Variants in STK10 observed in about 807,000 individuals in gnomAD.
The protein encoded by STK10 is serine/threonine kinase 10, also known as serine/threonine-protein kinase 10.
STK10 carries 78 observed loss-of-function variants against 113.8 expected under a neutral mutation model. The ratio of observed to expected loss-of-function variants is 0.69; its 90% CI spans 0.57 to 0.83. The LOEUF is 0.83. Among genes scored for constraint, STK10 ranks in the 40% least tolerant of loss-of-function variants. The pLI, the probability that STK10 is intolerant of heterozygous loss-of-function variation, is 0.00. For missense variants in STK10, 1,109 were observed against 1,280.1 expected (o/e 0.87, Z 2.04); for synonymous variants, 465 against 494.7 (o/e 0.94, Z 0.80).
chr5:172,100,133 G>A (rs1484705219), intron 7 of STK10, among the ~76,000 whole-genome samples: 2 of 152,150 alleles, frequency 1.3e-5, no homozygotes, highest in African/African-American at 2.4e-5. Context: ...CCTCCACCAC[G>A]GCATCAGCTC....
chr5:172,134,207 G>A (rs1769808869), intron 2 of STK10, among the ~76,000 whole-genome samples: 1 of 152,186 alleles, frequency 6.6e-6, no homozygotes, highest in Non-Finnish European at 1.5e-5. Context: ...CAGAAGTACT[G>A]CCTCTTTTAT....
At chr5:172,047,211 A>G (rs1290221852) in intron 18 of STK10, among the ~76,000 whole-genome samples, 1 of 152,254 alleles carries the variant, frequency 6.6e-6, no homozygotes, top group Admixed American at 6.5e-5. Flanking sequence ...TAATGACAGA[A>G]GAATTCTATA....
rs757404665 is a variant in STK10 at position 172,044,963 on chromosome 5, G to T, written c.2826C>A (p.Ser942Arg). Reference sequence around the variant, plus strand: ...AGGGGTTTGGGCACTCCGCCTCCTCGCTCAGCTTGAAGAACATCTCCTGCT... The same window carrying T: ...AGGGGTTTGGGCACTCCGCCTCCTCTCTCAGCTTGAAGAACATCTCCTGCT... ...KREQEMFFKL[S>R]EEAECPNPST... Residue 942 changes from serine (S) to arginine (R), a missense_variant, in exon 19 of 19, where the codon AGC (serine) becomes AGA (arginine). This residue lies in a region of STK10 where 885 missense variants were observed against 991.1 expected (regional missense o/e 0.89). Coordinates refer to ENST00000176763, the MANE Select transcript of STK10 (RefSeq NM_005990.4). The surrounding 1 kb of genome is among the most constrained non-coding windows in gnomAD (Gnocchi z 4.5). 8.7e-6 allele frequency: 14 copies of T among 1,614,040 alleles called. No individual in the cohort carries two copies. The highest frequency in any genetic ancestry group is 1.3e-5 in the African/African-American group (1 of 74,912).
At chr5:172,165,389 C>CAAG (rs1333147329) in intron 1 of STK10, among the ~76,000 whole-genome samples, 1 of 152,176 alleles carries the variant, frequency 6.6e-6, no homozygotes, top group African/African-American at 2.4e-5. Flanking sequence ...AGGTGTGCCT[C>CAAG]AAGAAGAGTA....
chr5:172,084,655 C>T, intron 10 of STK10, among the ~76,000 whole-genome samples: 1 of 151,384 alleles, frequency 6.6e-6, no homozygotes, highest in East Asian at 1.9e-4. Flanking sequence ...AAATTTTTCA[C>T]TGTTTATCTT....
intron 2 of STK10, among the ~76,000 whole-genome samples, chr5:172,130,094 C>T (rs1769717024): frequency 6.6e-6 from 1 of 152,170 alleles, no homozygotes; most frequent in Non-Finnish European, 1.5e-5. Flanking sequence ...ATCACCAAAC[C>T]CTGGCTGGGA....
Position 172,157,773 on chromosome 5 carries a change from T to A in STK10, c.157-985A>T, listed in dbSNP as rs180820775. ...GCCTGGCTAAATTTTGTGTTTTTAG[T>A]AGAGACAGGGTTTCACCACATTGGC... is the stretch of plus-strand genomic sequence containing the variant. On this transcript the variant is annotated intron_variant, in intron 1 of 18. Transcript: ENST00000176763. 5.9e-5 allele frequency among the ~76,000 whole-genome samples: 9 copies of A among 152,080 alleles called. No individual in the cohort carries two copies. The East Asian group carries it at 1.2e-3, about 20-fold the overall frequency.
rs76110035 is a variant in STK10, at chr5:172,044,962, C to G, written c.2827G>C (p.Glu943Gln). The G allele has an allele frequency of 6.2e-7, 1 of 1,614,096 alleles. No homozygotes were observed. Among genetic ancestry groups the G allele is most frequent in the Non-Finnish European group, 8.5e-7 (1 of 1,180,054 alleles). The change falls in exon 19 of 19, where the codon GAG becomes CAG. Residue 943 changes from glutamate (E) to glutamine (Q), a missense_variant. Coordinates refer to ENST00000176763, the MANE Select transcript of STK10 (RefSeq NM_005990.4). The surrounding 1 kb of genome is among the most constrained non-coding windows in gnomAD (Gnocchi z 4.5). ...GAGGGGTTTGGGCACTCCGCCTCCTCGCTCAGCTTGAAGAACATCTCCTGC... is the reference window on the plus strand; with the variant it reads ...GAGGGGTTTGGGCACTCCGCCTCCTGGCTCAGCTTGAAGAACATCTCCTGC... ...REQEMFFKLSEEAECPNPSTP... is the reference protein window; with the variant it reads ...REQEMFFKLSQEAECPNPSTP...
intron 13 of STK10, among the ~76,000 whole-genome samples, chr5:172,062,555 T>C (rs937255067): frequency 1.3e-5 from 2 of 152,206 alleles, no homozygotes; most frequent in African/African-American, 4.8e-5. Flanking sequence ...CAATGGAATA[T>C]TATTCAGCCT....
At chr5:172,155,872 A>G (rs1199104922) in intron 2 of STK10, among the ~76,000 whole-genome samples, 2 of 151,356 alleles carry the variant, frequency 1.3e-5, no homozygotes, top group Non-Finnish European at 3.0e-5. Context: ...GCACATGCCT[A>G]TAATCCCAGC....
chr5:172,082,294 G>A lies in STK10; in HGVS notation c.1989+32C>T. The A allele has an allele frequency of 6.8e-7, 1 of 1,479,906 alleles. No individual in the cohort carries two copies. Among genetic ancestry groups the A allele is most frequent in the Middle Eastern group, 1.9e-4 (1 of 5,264 alleles). 91.7% of individuals were successfully genotyped at this position (1,479,906 alleles called of 1,614,324 possible). On this transcript the variant is annotated intron_variant, in intron 12 of 18. Coordinates refer to ENST00000176763, the MANE Select transcript of STK10 (RefSeq NM_005990.4). This position sits in a 1 kb window ranked among gnomAD's most constrained non-coding sequence, Gnocchi z 4.3. ...ACCAAGAAGGCCCCTAATACTCCGAGATGCCCCTGCCCCCACTGAGCACAT... is the reference window on the plus strand; with the variant it reads ...ACCAAGAAGGCCCCTAATACTCCGAAATGCCCCTGCCCCCACTGAGCACAT...
intron 16 of STK10, among the ~76,000 whole-genome samples, 178 bp downstream of exon 16, chr5:172,055,409 CA>C (rs1273782399): frequency 6.6e-6 from 1 of 152,088 alleles, no homozygotes; most frequent in Non-Finnish European, 1.5e-5. Context: ...AGGCTGGTCT[CA>C]AACTCCTGGG....
At chr5:172,062,873 A>G (rs1187186410) in intron 13 of STK10, among the ~76,000 whole-genome samples, 2 of 152,232 alleles carry the variant, frequency 1.3e-5, no homozygotes, top group Non-Finnish European at 2.9e-5. Context: ...TACACTTAAT[A>G]ATGGTAAAGA....
chr5:172,145,238 G>A (rs1770060888), intron 2 of STK10, among the ~76,000 whole-genome samples: 1 of 152,222 alleles, frequency 6.6e-6, no homozygotes, highest in Non-Finnish European at 1.5e-5. Flanking sequence ...AAAGGGGAAG[G>A]AGCCAGGCCC....
chr5:172,089,462 G>C (rs559718896), intron 10 of STK10, among the ~76,000 whole-genome samples: 1 of 110,158 alleles, frequency 9.1e-6, no homozygotes, highest in Admixed American at 8.2e-5. Flanking sequence ...AGGTAGATAG[G>C]TGGAAGGCTG....
rs558029861 is a variant in STK10, at chr5:172,079,435, T to C, written c.1989+2891A>G. Among the ~76,000 whole-genome samples the C allele has an allele frequency of 3.3e-5, 5 of 152,244 alleles. No homozygotes were observed. The South Asian group carries it at 1.0e-3, about 31-fold the overall frequency. On this transcript the variant is annotated intron_variant, in intron 12 of 18. Coordinates refer to ENST00000176763, the MANE Select transcript of STK10 (RefSeq NM_005990.4). The stretch of plus-strand genomic sequence containing the variant: ...CAGATCTCTAGTCAGCCAGTCTATA[T>C]GCTTCCCTAGCATGTTGGCAACTGT...
chr5:172,095,496 C>T (rs751937191), intron 8 of STK10, among the ~76,000 whole-genome samples: 8 of 152,216 alleles, frequency 5.3e-5, no homozygotes, highest in African/African-American at 1.2e-4. Context: ...TTCACTGTAT[C>T]GATCTCAGTT....
chr5:172,069,370 A>G (rs900974044), intron 12 of STK10, among the ~76,000 whole-genome samples: 1 of 152,208 alleles, frequency 6.6e-6, no homozygotes, highest in Non-Finnish European at 1.5e-5. Flanking sequence ...ACACTTATCA[A>G]AAGAAAGTAG....
chr5:172,064,396 A>C, intron 13 of STK10: 2 of 339,910 alleles, frequency 5.9e-6, no homozygotes, highest in East Asian at 5.6e-5. Flanking sequence ...GGGCAGGGGA[A>C]TATACTGGGT....
Sources: gnomAD v4.1 joint callset for allele counts (sites outside exome capture counted in the v4.1 genomes callset) on GRCh38, gnomAD v4.1.1 for gene constraint, gnomAD v4.1.1 regional missense constraint, Gnocchi (gnomAD v3.1) non-coding constraint, MANE v1.5 for transcripts, NCBI Gene and HGNC (gene_info 2026-07-23, HGNC 2026-07-21) for gene names.